TENM2: variants seen among roughly 807,000 people sequenced by gnomAD.
TENM2 encodes teneurin transmembrane protein 2, also known as teneurin-2.
In TENM2, 52 loss-of-function variants were observed where a neutral mutation model predicts 245.2. That is an observed-to-expected ratio of 0.21 (90% CI 0.17 to 0.27). TENM2 has a LOEUF of 0.27. TENM2 is among the 10% of genes least tolerant of loss of function. TENM2 has a pLI of 1.00. For missense variants in TENM2, 3,046 were observed against 3,666.8 expected, an observed-to-expected ratio of 0.83 and a Z score of 4.37; for synonymous variants, 1,363 against 1,438.9, an observed-to-expected ratio of 0.95 and a Z score of 1.19.
At chr5:167,242,191 A>C in the TENM2 span, among the ~76,000 whole-genome samples, 7 of 151,300 alleles carry the variant, frequency 4.6e-5, no homozygotes, top group South Asian at 1.5e-3. Context: ...CTAGAATTAC[A>C]GGCACATACC....
At chr5:167,284,186 G>A (rs60387880), upstream of TENM2, among the ~76,000 whole-genome samples, 15,079 of 152,202 alleles carry the variant, frequency 0.099, 883 homozygotes, top group East Asian at 0.26. Flanking sequence ...GAGAAAGATT[G>A]TTTGCATGTC....
intron 2 of TENM2, among the ~76,000 whole-genome samples, chr5:167,812,355 G>A (rs1766704923): frequency 6.6e-6 from 1 of 152,140 alleles, no homozygotes; most frequent in African/African-American, 2.4e-5. Context: ...AGTGATAATT[G>A]TGCAAGTTTG....
At chr5:168,259,554 C>T (rs1767997844) in intron 27 of TENM2, among the ~76,000 whole-genome samples, 1 of 152,114 alleles carries the variant, frequency 6.6e-6, no homozygotes, top group Non-Finnish European at 1.5e-5. Context: ...CGCCACCGCA[C>T]TCCAGCCTGG....
chr5:167,681,694 A>G (rs368086883), intron 2 of TENM2, among the ~76,000 whole-genome samples: 109 of 152,278 alleles, frequency 7.2e-4, no homozygotes, highest in African/African-American at 2.5e-3. Flanking sequence ...ACATACAAAT[A>G]TATGTACACA....
intron 13 of TENM2, among the ~76,000 whole-genome samples, chr5:168,172,446 G>A (rs1758932800): frequency 6.6e-6 from 1 of 152,148 alleles, no homozygotes; most frequent in African/African-American, 2.4e-5. Flanking sequence ...CAAGAGCCCT[G>A]GGAGTCTTTC....
At chr5:168,092,465 G>A (rs550413952) in intron 8 of TENM2, among the ~76,000 whole-genome samples, 41 of 152,240 alleles carry the variant, frequency 2.7e-4, no homozygotes, top group African/African-American at 9.4e-4. Flanking sequence ...GAGACCATAT[G>A]GCCCACAAAG....
chr5:167,991,683 C>G (rs990255653), intron 4 of TENM2, among the ~76,000 whole-genome samples: 2 of 152,160 alleles, frequency 1.3e-5, no homozygotes, highest in Non-Finnish European at 2.9e-5. Flanking sequence ...CTGGCTAACA[C>G]GGACACCTTA....
intron 2 of TENM2, among the ~76,000 whole-genome samples, chr5:167,442,705 A>G (rs1764940238): frequency 6.6e-6 from 1 of 152,188 alleles, no homozygotes. Context: ...CTTAAAATTT[A>G]TTAGAGATTT....
intron 2 of TENM2, among the ~76,000 whole-genome samples, chr5:167,667,554 G>T (rs1227869867): frequency 1.3e-5 from 2 of 152,192 alleles, no homozygotes; most frequent in Non-Finnish European, 2.9e-5. Flanking sequence ...CTAAGAGAGG[G>T]ACACAGCTTC....
intron 6 of TENM2, among the ~76,000 whole-genome samples, chr5:168,052,820 G>GA (rs562295567): frequency 1.0e-4 from 15 of 148,550 alleles, no homozygotes; most frequent in South Asian, 2.1e-4. Flanking sequence ...CCTACCCTTT[G>GA]AAAAAAAAAA....
intron 3 of TENM2, among the ~76,000 whole-genome samples, chr5:167,929,394 G>T (rs1320710952): frequency 6.6e-6 from 1 of 152,132 alleles, no homozygotes; most frequent in Non-Finnish European, 1.5e-5. Context: ...AAAATTCTGA[G>T]TCTATGCAAA....
At chr5:168,237,240 A>G (rs1204433262) in intron 25 of TENM2, among the ~76,000 whole-genome samples, 1 of 146,406 alleles carries the variant, frequency 6.8e-6, no homozygotes, top group East Asian at 2.0e-4. Context: ...CTGGTCTTGA[A>G]CTCCTAACCT....
chr5:167,800,335 C>T (rs1000182271), intron 2 of TENM2, among the ~76,000 whole-genome samples: 2 of 152,148 alleles, frequency 1.3e-5, no homozygotes, highest in Admixed American at 6.5e-5. Context: ...CTTTGACAAG[C>T]TTCATGATGT....
rs545415460 is a variant in TENM2, at chr5:167,885,083, A to G, written c.712+8888A>G. On this transcript the variant is annotated intron_variant, in intron 3 of 28. Transcript: ENST00000518659. The stretch of plus-strand genomic sequence containing the variant: ...TATTCAAGTCCTTTGCCTAATTTTT[A>G]ATCAGATCATTTGTTTTTTGTTGAT... 2.0e-5 allele frequency among the ~76,000 whole-genome samples: 3 copies of G among 152,220 alleles called. No homozygotes were observed. The East Asian group carries it at 5.8e-4, about 29-fold the overall frequency.
At chr5:167,690,923 A>ATGTGTG (rs375456466) in intron 2 of TENM2, among the ~76,000 whole-genome samples, 206 of 78,762 alleles carry the variant, frequency 2.6e-3, no homozygotes, top group Middle Eastern at 5.4e-3. Flanking sequence ...ATATGCGAGT[A>ATGTGTG]TGTGTGTGTG....
At chr5:167,584,583 A>C (rs537210057) in intron 2 of TENM2, among the ~76,000 whole-genome samples, 2 of 152,278 alleles carry the variant, frequency 1.3e-5, no homozygotes, top group African/African-American at 4.8e-5. Context: ...CTGGGCATGA[A>C]GAGGTGGGGT....
At chr5:167,898,045 AT>A (rs1775370471) in intron 3 of TENM2, among the ~76,000 whole-genome samples, 1 of 151,992 alleles carries the variant, frequency 6.6e-6, no homozygotes, top group African/African-American at 2.4e-5. Flanking sequence ...CCTCCTGCTG[AT>A]CTGGGTTTGT....
the TENM2 span, among the ~76,000 whole-genome samples, chr5:167,163,204 T>C: frequency 1.3e-5 from 2 of 152,176 alleles, no homozygotes; most frequent in Admixed American, 6.5e-5. Flanking sequence ...CTGGGCTCCA[T>C]TGGTCCTTTG....
intron 6 of TENM2, among the ~76,000 whole-genome samples, chr5:168,058,462 G>T (rs534206256): frequency 3.7e-4 from 57 of 152,290 alleles, no homozygotes; most frequent in African/African-American, 1.3e-3. Context: ...GCTGTGGGCT[G>T]CAGAAAAGCA....
Sources: gnomAD v4.1 joint callset for allele counts (sites outside exome capture counted in the v4.1 genomes callset) on GRCh38, gnomAD v4.1.1 for gene constraint, MANE v1.5 for transcripts, NCBI Gene and HGNC (gene_info 2026-07-23, HGNC 2026-07-21) for gene names.